Variants in NSL1 observed in about 807,000 individuals in gnomAD.
NSL1 encodes the protein NSL1 component of MIS12 kinetochore complex.
Under a neutral mutation model 25.4 loss-of-function variants are expected in NSL1, and 11 were observed. The observed-to-expected ratio is 0.43, with a 90% CI of 0.27 to 0.72. The LOEUF is 0.72. NSL1 is among the 30% of genes least tolerant of loss of function. The pLI, the probability that NSL1 is intolerant of heterozygous loss-of-function variation, is 0.19. For missense variants in NSL1, 330 were observed against 342.7 expected, an observed-to-expected ratio of 0.96 and a Z score of 0.29; for synonymous variants, 118 against 120.6, an observed-to-expected ratio of 0.98 and a Z score of 0.14.
At position 212,761,876 on chromosome 1, in the gene NSL1, C is replaced by T. The variant is rs187479758; in HGVS notation, c.499+20496G>A. ...TGAGAGCTTCAGAAACAGACTAGAT[C>T]GGGGTGTCCAATCTTTTGGCTTCCC... On this transcript the variant is annotated intron_variant, in intron 4 of 5. Transcript: ENST00000366977. Among the ~76,000 whole-genome samples the T allele has an allele frequency of 3.6e-3, 537 of 149,930 alleles. 6 individuals are homozygous for T. The highest frequency in any genetic ancestry group is 0.013 in the African/African-American group (511 of 40,784).
In NSL1 at chr1:212,728,841, A is replaced by G; in HGVS notation, c.*9567T>C. The G allele has an allele frequency of 1.0e-6, 1 of 985,308 alleles. No homozygotes were observed. The highest frequency in any genetic ancestry group is 1.2e-6 in the Non-Finnish European group (1 of 829,898). 61.0% of individuals were successfully genotyped at this position (985,308 alleles called of 1,614,324 possible). On this transcript the variant is annotated 3_prime_UTR_variant, in exon 6 of 6. Coordinates refer to ENST00000366977, the MANE Select transcript of NSL1 (RefSeq NM_015471.4). The stretch of plus-strand genomic sequence containing the variant: ...CCTCAGCGCAGAGAAAATTAAGTCT[A>G]GTGTTTGCAGGAGGGCAAGACTGGG...
chr1:212,788,043 T>C (rs2102407928), intron 1 of NSL1, among the ~76,000 whole-genome samples: 1 of 152,302 alleles, frequency 6.6e-6, no homozygotes, highest in South Asian at 2.1e-4. Context: ...AAATTATATT[T>C]TATAAAGGGC....
intron 4 of NSL1, among the ~76,000 whole-genome samples, chr1:212,743,542 C>CTTCATGTATA (rs1487115237): frequency 6.6e-6 from 1 of 151,594 alleles, no homozygotes; most frequent in Non-Finnish European, 1.5e-5. Flanking sequence ...TCCAAATATA[C>CTTCATGTATA]TTCATGTATA....
At chr1:212,778,607 G>C (rs1403288839) in intron 4 of NSL1, among the ~76,000 whole-genome samples, 20 of 149,974 alleles carry the variant, frequency 1.3e-4, no homozygotes, top group Non-Finnish European at 1.5e-4. Flanking sequence ...CACTGTGTTG[G>C]CCGGGCTGGT....
In NSL1 at chr1:212,732,671, CTG is replaced by C. The variant is rs1185719990; in HGVS notation, c.*5735_*5736del. ...TTAGTAGCCTGTAGACTCGAGTGTG[CTG>C]TGTTTTGGGAGCCTTAGTTTCCCAG... On this transcript the variant is annotated 3_prime_UTR_variant, in exon 6 of 6. Transcript: ENST00000366977. 1.0e-6 allele frequency: 1 copy of C among 985,202 alleles called. No individual in the cohort carries two copies. The highest frequency in any genetic ancestry group is 1.1e-4 in the East Asian group (1 of 8,826). 61.0% of individuals were successfully genotyped at this position (985,202 alleles called of 1,614,324 possible). A position where few individuals can be genotyped will look rare whatever the true frequency, so the allele number is the denominator to read the frequency against.
Position 212,737,210 on chromosome 1 carries a change from A to T in NSL1, c.*1198T>A. On this transcript the variant is annotated 3_prime_UTR_variant, in exon 6 of 6. Transcript: ENST00000366977. Reference sequence around the variant, plus strand: ...AATGAAAAACACATAGCTGTGTACAAATATACAGATCTCAAACTGTAACAC... The same window carrying T: ...AATGAAAAACACATAGCTGTGTACATATATACAGATCTCAAACTGTAACAC... 1.0e-6 allele frequency: 1 copy of T among 985,432 alleles called. No homozygotes were observed. Among genetic ancestry groups the T allele is most frequent in the South Asian group, 4.7e-5 (1 of 21,292 alleles). 61.0% of individuals were successfully genotyped at this position (985,432 alleles called of 1,614,324 possible).
Position 212,729,321 on chromosome 1 carries a change from CT to C in NSL1, c.*9086del. The C allele has an allele frequency of 1.0e-6, 1 of 984,478 alleles. No homozygotes were observed. Among genetic ancestry groups the C allele is most frequent in the Non-Finnish European group, 1.2e-6 (1 of 829,050 alleles). 61.0% of individuals were successfully genotyped at this position (984,478 alleles called of 1,614,324 possible). A position where few individuals can be genotyped will look rare whatever the true frequency, so the allele number is the denominator to read the frequency against. On this transcript the variant is annotated 3_prime_UTR_variant, in exon 6 of 6. Coordinates refer to ENST00000366977, the MANE Select transcript of NSL1 (RefSeq NM_015471.4). ...TAGATGCTACTGATGGCTCCCCTAA[CT>C]GACGGCAAATTGCTTGTGGGCAGGG...
At chr1:212,747,452 C>T (rs6540761) in intron 4 of NSL1, among the ~76,000 whole-genome samples, 1 of 152,008 alleles carries the variant, frequency 6.6e-6, no homozygotes, top group Non-Finnish European at 1.5e-5. Flanking sequence ...GTACTGCCAA[C>T]AACTATGTGA....
At position 212,787,648 on chromosome 1, in the gene NSL1, T is replaced by A. The variant is rs1661000296; in HGVS notation, c.235-11A>T. 1 of 1,570,998 alleles carries A rather than the reference T, an allele frequency of 6.4e-7. No homozygotes were observed. Among genetic ancestry groups the A allele is most frequent in the Admixed American group, 1.8e-5 (1 of 54,768 alleles). Reference sequence around the variant, plus strand: ...AGCTGATTCAAAAGTCTGCAATAAATTCACAGTAGTCAAGTCACTAAAAAT... The same window carrying A: ...AGCTGATTCAAAAGTCTGCAATAAAATCACAGTAGTCAAGTCACTAAAAAT... On this transcript the variant is annotated splice_polypyrimidine_tract_variant and intron_variant, in intron 1 of 5. Coordinates refer to ENST00000366977, the MANE Select transcript of NSL1 (RefSeq NM_015471.4).
chr1:212,784,502 G>GA lies in NSL1; in HGVS notation c.314-10dup, dbSNP rs751011445. 1,710 of 1,453,798 alleles carry GA rather than the reference G, an allele frequency of 1.2e-3. No individual in the cohort carries two copies. Among genetic ancestry groups the GA allele is most frequent in the South Asian group, 1.8e-3 (129 of 71,622 alleles). 90.1% of individuals were successfully genotyped at this position (1,453,798 alleles called of 1,614,324 possible). ...TACTTTGATGTCAGAATCTATTTGA[G>GA]AAAAAAAAATGTATATATAAAAAGT... is the stretch of plus-strand genomic sequence containing the variant. On this transcript the variant is annotated splice_polypyrimidine_tract_variant and intron_variant, in intron 2 of 5. Coordinates refer to ENST00000366977, the MANE Select transcript of NSL1 (RefSeq NM_015471.4).
At position 212,776,377 on chromosome 1, in the gene NSL1, A is replaced by AAAT. The variant is rs1224235962; in HGVS notation, c.499+5992_499+5994dup. 9.3e-5 allele frequency among the ~76,000 whole-genome samples: 14 copies of AAAT among 151,284 alleles called. No individual in the cohort carries two copies. The South Asian group carries it at 1.7e-3, about 18-fold the overall frequency. ...AAACTCCGTCTCAAAAAAAAATAAT[A>AAAT]AATAATAATAATAATAAATAAAATA... is the stretch of plus-strand genomic sequence containing the variant. On this transcript the variant is annotated intron_variant, in intron 4 of 5. Coordinates refer to ENST00000366977, the MANE Select transcript of NSL1 (RefSeq NM_015471.4).
At chr1:212,767,104 A>T (rs7556272) in intron 4 of NSL1, among the ~76,000 whole-genome samples, 61,110 of 152,014 alleles carry the variant, frequency 0.4, 13,918 homozygotes, top group Non-Finnish European at 0.51. Context: ...TAAAATTCAT[A>T]TGAAACCAAA....
intron 4 of NSL1, chr1:212,763,936 GGT>G (rs1282989787): frequency 3.1e-6 from 1 of 320,414 alleles, no homozygotes; most frequent in Non-Finnish European, 6.2e-6. Flanking sequence ...GAACTTAACA[GGT>G]GTTTACACAA....
At chr1:212,782,269 A>G in intron 4 of NSL1, 103 bp downstream of exon 4, 1 of 831,082 alleles carries the variant, frequency 1.2e-6, no homozygotes, top group Non-Finnish European at 2.1e-6. Context: ...TAAAGCATCA[A>G]AGGGAGAATA....
intron 4 of NSL1, among the ~76,000 whole-genome samples, chr1:212,740,264 G>A (rs1485762445): frequency 6.6e-6 from 1 of 152,178 alleles, no homozygotes; most frequent in Non-Finnish European, 1.5e-5. Context: ...TATGTTAGGA[G>A]GGCCACATTT....
rs74138623 is a variant in NSL1 at position 212,728,846 on chromosome 1, T to C, written c.*9562A>G. 4.0e-3 allele frequency: 3,924 copies of C among 985,364 alleles called. 89 individuals carry two copies. In the African/African-American group the frequency reaches 0.053, roughly 13 times the overall value. 61.0% of individuals were successfully genotyped at this position (985,364 alleles called of 1,614,324 possible). A position where few individuals can be genotyped will look rare whatever the true frequency, so the allele number is the denominator to read the frequency against. ...GCGCAGAGAAAATTAAGTCTAGTGT[T>C]TGCAGGAGGGCAAGACTGGGAGTGC... On this transcript the variant is annotated 3_prime_UTR_variant, in exon 6 of 6. Transcript: ENST00000366977.
At chr1:212,746,654 CA>C (rs1658812321) in intron 4 of NSL1, among the ~76,000 whole-genome samples, 1 of 152,180 alleles carries the variant, frequency 6.6e-6, no homozygotes, top group Non-Finnish European at 1.5e-5. Flanking sequence ...GATCCAAAGA[CA>C]AACATAGGTT....
intron 4 of NSL1, among the ~76,000 whole-genome samples, chr1:212,740,407 C>T (rs1020701100): frequency 5.3e-5 from 8 of 151,968 alleles, no homozygotes; most frequent in African/African-American, 1.9e-4. Flanking sequence ...AAATGAACCA[C>T]AAAAACAGCT....
chr1:212,787,924 A>T (rs765199067), intron 1 of NSL1, among the ~76,000 whole-genome samples: 1 of 152,246 alleles, frequency 6.6e-6, no homozygotes, highest in Non-Finnish European at 1.5e-5. Flanking sequence ...AAGAAAAAAT[A>T]AAATCTAACA....
Sources: gnomAD v4.1 joint callset for allele counts (sites outside exome capture counted in the v4.1 genomes callset) on GRCh38, gnomAD v4.1.1 for gene constraint, MANE v1.5 for transcripts, NCBI Gene and HGNC (gene_info 2026-07-23, HGNC 2026-07-21) for gene names.